CTNNA2: variants seen among roughly 807,000 people sequenced by gnomAD.
The protein encoded by CTNNA2 is catenin alpha-2.
A neutral mutation model predicts 101.0 loss-of-function variants in CTNNA2; 42 were observed. The observed-to-expected ratio is 0.42, with a 90% confidence interval of 0.32 to 0.54. The LOEUF (loss-of-function observed/expected upper bound fraction) is 0.54. Among genes scored for constraint, CTNNA2 ranks in the 20% least tolerant of loss-of-function variants. CTNNA2 has a pLI of 0.14. For synonymous variants in CTNNA2, 450 were observed against 456.4 expected, an observed-to-expected ratio of 0.99 and a Z score of 0.18; for missense variants, 871 against 1,223.1, an observed-to-expected ratio of 0.71 and a Z score of 4.29.
intron 3 of CTNNA2, among the ~76,000 whole-genome samples, chr2:79,810,260 T>G (rs1292130525): frequency 6.6e-6 from 1 of 152,052 alleles, no homozygotes; most frequent in African/African-American, 2.4e-5. Context: ...GGCCTCACAA[T>G]CATGGCAGAA....
At chr2:79,909,907 A>G in intron 7 of CTNNA2, 110 bp downstream of exon 7, 1 of 1,135,000 alleles carries the variant, frequency 8.8e-7, no homozygotes, top group South Asian at 1.7e-5. Flanking sequence ...GGTGTTTACC[A>G]AAGAGAGTCA....
At chr2:80,392,184 G>A (rs937158726) in intron 7 of CTNNA2, among the ~76,000 whole-genome samples, 6 of 152,088 alleles carry the variant, frequency 3.9e-5, no homozygotes, top group African/African-American at 1.4e-4. Flanking sequence ...ATCCCATTAG[G>A]CACAACTTAA....
At chr2:79,511,512 G>C (rs1671540094), upstream of CTNNA2, among the ~76,000 whole-genome samples, 1 of 152,140 alleles carries the variant, frequency 6.6e-6, no homozygotes, top group Non-Finnish European at 1.5e-5. Flanking sequence ...GTAAGAGCAC[G>C]CGGTGTCACT....
chr2:80,566,308 A>G (rs1368427539), intron 12 of CTNNA2, among the ~76,000 whole-genome samples: 1 of 152,110 alleles, frequency 6.6e-6, no homozygotes, highest in Non-Finnish European at 1.5e-5. Context: ...TTTTTGCCAT[A>G]TTCTGTTGGT....
chr2:79,797,342 A>C (rs1381193674), intron 3 of CTNNA2, among the ~76,000 whole-genome samples: 1 of 152,040 alleles, frequency 6.6e-6, no homozygotes, highest in Non-Finnish European at 1.5e-5. Context: ...CCTTTGTTTA[A>C]ATGGGAGACT....
rs545533818 is a variant in CTNNA2 at position 79,570,827 on chromosome 2, G to C, written c.-6+57620G>C. ...AAATATGTAGATTAAATGTCATACA[G>C]AGTTACAAATACAATGAAATAATAT... On this transcript the variant is annotated intron_variant, in intron 1 of 18. Coordinates refer to ENST00000402739, the MANE Select transcript of CTNNA2 (RefSeq NM_001282597.3). Among the ~76,000 whole-genome samples the C allele has an allele frequency of 3.5e-4, 54 of 152,188 alleles. 1 individual carries two copies. The South Asian group carries it at 0.011, about 31-fold the overall frequency.
intron 8 of CTNNA2, among the ~76,000 whole-genome samples, chr2:80,397,722 T>G (rs1678153688): frequency 6.6e-6 from 1 of 152,146 alleles, no homozygotes; most frequent in Non-Finnish European, 1.5e-5. Flanking sequence ...TCAGGTATGT[T>G]TTTATTAGAA....
intron 7 of CTNNA2, among the ~76,000 whole-genome samples, chr2:79,918,922 G>T (rs902468484): frequency 1.3e-5 from 2 of 152,200 alleles, no homozygotes; most frequent in Non-Finnish European, 2.9e-5. Flanking sequence ...ATTAGGTACA[G>T]ATTATAAAAT....
At chr2:80,395,732 T>C (rs1677951440) in intron 8 of CTNNA2, among the ~76,000 whole-genome samples, 1 of 152,216 alleles carries the variant, frequency 6.6e-6, no homozygotes, top group African/African-American at 2.4e-5. Flanking sequence ...TGAGATACTT[T>C]CTATTCTTTC....
At chr2:79,433,010 T>A (rs1301965079) in intron 4 of CTNNA2, among the ~76,000 whole-genome samples, 2 of 152,184 alleles carry the variant, frequency 1.3e-5, no homozygotes, top group Admixed American at 1.3e-4. Flanking sequence ...AAATAGCAAC[T>A]GGAGTAAATG....
At chr2:79,300,451 A>C (rs2104389805) in intron 2 of CTNNA2, among the ~76,000 whole-genome samples, 1 of 152,328 alleles carries the variant, frequency 6.6e-6, no homozygotes, top group East Asian at 1.9e-4. Context: ...CTAAAGAAGA[A>C]GTTACACCAC....
At chr2:80,254,021 G>A (rs1027848827) in intron 7 of CTNNA2, among the ~76,000 whole-genome samples, 2 of 152,094 alleles carry the variant, frequency 1.3e-5, no homozygotes. Flanking sequence ...TAAGTAATTT[G>A]CATGCCAAGC....
At chr2:80,589,705 G>T (rs920818220) in intron 15 of CTNNA2, among the ~76,000 whole-genome samples, 1 of 152,188 alleles carries the variant, frequency 6.6e-6, no homozygotes, top group African/African-American at 2.4e-5. Flanking sequence ...TGTAATTATT[G>T]TTGTTATAAT....
At chr2:80,423,024 A>G (rs1167057350) in intron 9 of CTNNA2, among the ~76,000 whole-genome samples, 5 of 152,122 alleles carry the variant, frequency 3.3e-5, no homozygotes, top group Admixed American at 6.5e-5. Flanking sequence ...TGTTAGATGT[A>G]TAAGGATCTG....
intron 2 of CTNNA2, among the ~76,000 whole-genome samples, chr2:79,276,830 G>A (rs2104318638): frequency 6.6e-6 from 1 of 152,086 alleles, no homozygotes; most frequent in East Asian, 1.9e-4. Context: ...AAAATTAAAT[G>A]TTGTTTACAT....
intron 2 of CTNNA2, among the ~76,000 whole-genome samples, chr2:79,229,932 T>C (rs1288927718): frequency 6.6e-6 from 1 of 152,288 alleles, no homozygotes; most frequent in Admixed American, 6.5e-5. Context: ...AACTTTGAAC[T>C]TGAGAGGGAT....
intron 7 of CTNNA2, among the ~76,000 whole-genome samples, chr2:79,924,387 T>C (rs1458287564): frequency 6.6e-6 from 1 of 152,160 alleles, no homozygotes; most frequent in Non-Finnish European, 1.5e-5. Context: ...AGTACACCTC[T>C]TTCTGAAATC....
chr2:79,201,520 G>A (rs766982291), intron 2 of CTNNA2, among the ~76,000 whole-genome samples: 5 of 152,150 alleles, frequency 3.3e-5, no homozygotes, highest in Non-Finnish European at 5.9e-5. Context: ...AAGCAGGAAA[G>A]CTTGCCTTCC....
intron 12 of CTNNA2, 38 bp from the exon 13 acceptor site, chr2:80,574,125 G>GA (rs768986477): frequency 6.3e-7 from 1 of 1,589,246 alleles, no homozygotes; most frequent in Non-Finnish European, 8.6e-7. Context: ...TAGTGAGAGA[G>GA]AAATTGCCTA....
Sources: gnomAD v4.1 joint callset for allele counts (sites outside exome capture counted in the v4.1 genomes callset) on GRCh38, gnomAD v4.1.1 for gene constraint, MANE v1.5 for transcripts, NCBI Gene and HGNC (gene_info 2026-07-23, HGNC 2026-07-21) for gene names.